SORBS2: variants seen among roughly 807,000 people sequenced by gnomAD.
SORBS2 encodes the protein sorbin and SH3 domain-containing protein 2.
A neutral mutation model predicts 97.7 loss-of-function variants in SORBS2; 46 were observed. That is an observed-to-expected ratio of 0.47 (90% CI 0.37 to 0.60). SORBS2 has a LOEUF of 0.60. Ranked by LOEUF, SORBS2 falls within the 20% of genes least tolerant of loss-of-function variation. SORBS2 has a pLI of 0.00. For missense variants in SORBS2, 1,316 were observed against 1,282.3 expected (o/e 1.03, Z -0.40); for synonymous variants, 476 against 473.4 (o/e 1.01, Z -0.07).
chr4:185,771,428 A>G (rs1009821093), intron 2 of SORBS2: 2 of 152,248 alleles, frequency 1.3e-5, no homozygotes, highest in African/African-American at 4.8e-5. Flanking sequence ...CCATTTGAAC[A>G]TCTTCCTTTC....
At chr4:185,777,106 A>G (rs1349870067) in intron 1 of SORBS2, among the ~76,000 whole-genome samples, 1 of 152,180 alleles carries the variant, frequency 6.6e-6, no homozygotes, top group Non-Finnish European at 1.5e-5. Flanking sequence ...AAACAGTGAA[A>G]TCCTTTGGCT....
At chr4:185,590,705 G>C (rs1449492473) in intron 13 of SORBS2, among the ~76,000 whole-genome samples, 1 of 152,090 alleles carries the variant, frequency 6.6e-6, no homozygotes, top group Non-Finnish European at 1.5e-5. Flanking sequence ...CTGAATTTGT[G>C]GTAAGAAAAC....
At chr4:185,934,781 CAA>C (rs397996572) in intron 1 of SORBS2, among the ~76,000 whole-genome samples, 15 of 100,800 alleles carry the variant, frequency 1.5e-4, no homozygotes, top group Admixed American at 1.1e-4. Flanking sequence ...GACTCCATCT[CAA>C]AAAAAAAAAA....
At chr4:185,871,960 A>G (rs1305255309) in intron 1 of SORBS2, among the ~76,000 whole-genome samples, 1 of 152,234 alleles carries the variant, frequency 6.6e-6, no homozygotes, top group Non-Finnish European at 1.5e-5. Flanking sequence ...AGCAAACCAT[A>G]CAGACTTTCT....
chr4:185,828,323 G>A (rs1228220955), intron 1 of SORBS2, among the ~76,000 whole-genome samples: 1 of 152,106 alleles, frequency 6.6e-6, no homozygotes, highest in Non-Finnish European at 1.5e-5. Context: ...GCCCACACTA[G>A]GAGACGCAGA....
chr4:185,636,101 C>G (rs910584993), intron 4 of SORBS2, among the ~76,000 whole-genome samples: 1 of 152,150 alleles, frequency 6.6e-6, no homozygotes, highest in African/African-American at 2.4e-5. Flanking sequence ...TCAAGTGTTC[C>G]GTCTGCCTCA....
At chr4:185,829,260 G>A (rs530777877) in intron 1 of SORBS2, among the ~76,000 whole-genome samples, 3 of 152,250 alleles carry the variant, frequency 2.0e-5, no homozygotes, top group East Asian at 1.9e-4. Context: ...ATGGGTAAAC[G>A]GTGTGATGTG....
intron 4 of SORBS2, among the ~76,000 whole-genome samples, chr4:185,673,918 C>T (rs75668932): frequency 1.2e-4 from 19 of 152,266 alleles, no homozygotes; most frequent in Non-Finnish European, 2.4e-4. Flanking sequence ...TTTTAGGATG[C>T]CACATTTTCC....
At chr4:185,771,248 C>T (rs2098969406) in intron 2 of SORBS2, 2 of 152,152 alleles carry the variant, frequency 1.3e-5, no homozygotes, top group Admixed American at 6.5e-5. Context: ...GCCTCGGCCT[C>T]CCAACGTGCT....
chr4:185,614,566 T>A (rs2096599217), intron 11 of SORBS2: 2 of 415,888 alleles, frequency 4.8e-6, no homozygotes, highest in South Asian at 8.5e-5. Context: ...AGTCCTTGAT[T>A]TTCAGCCCCA....
chr4:185,722,048 T>C (rs780685823), intron 2 of SORBS2, among the ~76,000 whole-genome samples: 2 of 152,172 alleles, frequency 1.3e-5, no homozygotes, highest in African/African-American at 2.4e-5. Flanking sequence ...ATAAACACCA[T>C]TAATACCTGT....
chr4:185,935,786 A>T (rs1191655902), intron 1 of SORBS2, among the ~76,000 whole-genome samples: 3 of 152,196 alleles, frequency 2.0e-5, no homozygotes, highest in Non-Finnish European at 4.4e-5. Context: ...AACACAGAGC[A>T]TCATGGGAGA....
At chr4:185,940,458 C>A (rs1051472207) in intron 1 of SORBS2, among the ~76,000 whole-genome samples, 1 of 152,230 alleles carries the variant, frequency 6.6e-6, no homozygotes, top group South Asian at 2.1e-4. Flanking sequence ...CCTCCCCAGC[C>A]ATGACCTCTG....
chr4:185,632,130 TAATC>T (rs1188176745), intron 4 of SORBS2, among the ~76,000 whole-genome samples: 9 of 152,360 alleles, frequency 5.9e-5, no homozygotes, highest in East Asian at 1.9e-4. Context: ...TAGCACCAAT[TAATC>T]AATTAAAACA....
At chr4:185,697,397 T>C (rs1021824684) in intron 2 of SORBS2, among the ~76,000 whole-genome samples, 3 of 152,198 alleles carry the variant, frequency 2.0e-5, no homozygotes, top group Non-Finnish European at 4.4e-5. Context: ...CATGTTGGAA[T>C]TGAAAAGGAA....
chr4:185,953,235 A>C (rs1376476644), intron 1 of SORBS2, among the ~76,000 whole-genome samples: 1 of 152,038 alleles, frequency 6.6e-6, no homozygotes, highest in Non-Finnish European at 1.5e-5. Context: ...AATTGCTTGA[A>C]CCCGGGAGGT....
intron 1 of SORBS2, among the ~76,000 whole-genome samples, chr4:185,843,118 C>G (rs2099212612): frequency 6.6e-6 from 1 of 151,882 alleles, no homozygotes; most frequent in South Asian, 2.1e-4. Context: ...AAGAACAGAG[C>G]ACTGAGTTAT....
chr4:185,735,844 C>A (rs1306360016), intron 2 of SORBS2, among the ~76,000 whole-genome samples: 2 of 152,094 alleles, frequency 1.3e-5, no homozygotes, highest in Non-Finnish European at 1.5e-5. Context: ...AACACATATC[C>A]CAGAAAAATC....
intron 1 of SORBS2, among the ~76,000 whole-genome samples, chr4:185,863,442 T>C (rs2099225026): frequency 6.6e-6 from 1 of 152,240 alleles, no homozygotes. Flanking sequence ...CAATTCAATA[T>C]ACTCACAGCT....
Sources: allele counts gnomAD v4.1 joint callset (sites outside exome capture counted in the v4.1 genomes callset), GRCh38; gene constraint gnomAD v4.1.1; transcripts MANE v1.5; gene names NCBI Gene and HGNC (gene_info 2026-07-23, HGNC 2026-07-21).